ABCG2: variants seen among roughly 807,000 people sequenced by gnomAD.
ABCG2 encodes the protein ATP binding cassette subfamily G member 2 (JR blood group).
ABCG2 carries 80 observed loss-of-function variants against 73.5 expected under a neutral mutation model. The ratio of observed to expected loss-of-function variants is 1.09; its 90% CI spans 0.91 to 1.31. The LOEUF is 1.31. ABCG2 is among the 50% of genes most tolerant of loss of function. The probability of loss-of-function intolerance (pLI) is 0.00; values close to 1 mark genes in which losing one functional copy is unlikely to be tolerated. For synonymous variants in ABCG2, 269 were observed against 282.4 expected (o/e 0.95, Z 0.48); for missense variants, 796 against 786.2 (o/e 1.01, Z -0.15).
chr4:88,147,879 C>T (rs113166336), intron 1 of ABCG2, among the ~76,000 whole-genome samples: 16 of 152,280 alleles, frequency 1.1e-4, no homozygotes, highest in African/African-American at 2.9e-4. Flanking sequence ...TATCTAAGAA[C>T]GCAGTATGAT....
chr4:88,109,167 T>A (rs1722958979), intron 9 of ABCG2, among the ~76,000 whole-genome samples: 1 of 151,782 alleles, frequency 6.6e-6, no homozygotes, highest in African/African-American at 2.4e-5. Flanking sequence ...CCCAGCTAAT[T>A]TTTTGTACTT....
At chr4:88,163,192 A>G (rs1727382109), upstream of ABCG2, among the ~76,000 whole-genome samples, 1 of 152,218 alleles carries the variant, frequency 6.6e-6, no homozygotes, top group Non-Finnish European at 1.5e-5. Flanking sequence ...GTATTCCCCC[A>G]CAGCCCAGCT....
chr4:88,194,996 T>C (rs1578269682), intron 1 of ABCG2, among the ~76,000 whole-genome samples: 1 of 152,326 alleles, frequency 6.6e-6, no homozygotes, highest in South Asian at 2.1e-4. Flanking sequence ...GAGAATAGAC[T>C]TATGCCAATG....
intron 1 of ABCG2, among the ~76,000 whole-genome samples, chr4:88,180,659 G>A (rs1370486631): frequency 6.6e-6 from 1 of 152,140 alleles, no homozygotes; most frequent in African/African-American, 2.4e-5. Flanking sequence ...GGCTGAGGTG[G>A]GGGGGCTCAC....
At chr4:88,200,223 G>A (rs1729103949) in intron 1 of ABCG2, among the ~76,000 whole-genome samples, 1 of 152,004 alleles carries the variant, frequency 6.6e-6, no homozygotes, top group African/African-American at 2.4e-5. Context: ...AGCTACTTGG[G>A]GGGCTGAGAT....
chr4:88,122,169 C>T (rs898969872), intron 5 of ABCG2, among the ~76,000 whole-genome samples: 9 of 152,130 alleles, frequency 5.9e-5, no homozygotes, highest in African/African-American at 2.2e-4. Context: ...TCACAACCCG[C>T]AGACCAGGAG....
intron 1 of ABCG2, among the ~76,000 whole-genome samples, chr4:88,207,658 C>T (rs1182854177): frequency 6.6e-6 from 1 of 152,144 alleles, no homozygotes; most frequent in Non-Finnish European, 1.5e-5. Flanking sequence ...AGTCCTCCTG[C>T]CTCAGCCTCT....
At chr4:88,222,136 A>C (rs1730033050) in intron 1 of ABCG2, among the ~76,000 whole-genome samples, 1 of 152,234 alleles carries the variant, frequency 6.6e-6, no homozygotes. Context: ...CCATTGCCTC[A>C]GTGGGTGTAA....
intron 1 of ABCG2, among the ~76,000 whole-genome samples, chr4:88,191,495 T>C (rs987017521): frequency 3.3e-5 from 5 of 152,112 alleles, no homozygotes; most frequent in African/African-American, 1.2e-4. Context: ...GAAATCTTCA[T>C]ACATTGCTGG....
chr4:88,126,504 T>A (rs2110031620), intron 5 of ABCG2, among the ~76,000 whole-genome samples: 1 of 152,312 alleles, frequency 6.6e-6, no homozygotes, highest in Middle Eastern at 3.4e-3. Context: ...ATATCCCTGA[T>A]CAACATCAAT....
At chr4:88,126,867 A>G (rs1379025522) in intron 5 of ABCG2, among the ~76,000 whole-genome samples, 2 of 152,226 alleles carry the variant, frequency 1.3e-5, no homozygotes, top group Non-Finnish European at 2.9e-5. Flanking sequence ...AAACCGGCAC[A>G]AGACAAGGAC....
chr4:88,118,244 G>A lies in ABCG2; in HGVS notation c.706C>T (p.Arg236Ter), dbSNP rs140207606. ...LLLKRMSKQGRTIIFSIHQPR... is the reference protein window; with the variant it reads ...LLLKRMSKQG The stretch of plus-strand genomic sequence containing the variant: ...TGATGAATGGAGAAGATGATTGTTC[G>A]TCCCTGCTTAGACATCCTAAGTTAA... The change falls in exon 7 of 16, where the codon CGA becomes TGA. Residue 236 changes from arginine to a stop codon, truncating the protein, a stop_gained. Coordinates refer to ENST00000237612, the MANE Select transcript of ABCG2 (RefSeq NM_004827.3). LOFTEE classifies it high-confidence loss of function. 409 of 1,614,006 alleles carry A rather than the reference G, an allele frequency of 2.5e-4. No individual in the cohort carries two copies. Among genetic ancestry groups the A allele is most frequent in the East Asian group, 3.1e-4 (14 of 44,878 alleles).
At position 88,134,845 on chromosome 4, in the gene ABCG2, C is replaced by G. The variant is rs368794480; in HGVS notation, c.204-2210G>C. On this transcript the variant is annotated intron_variant, in intron 2 of 15. Transcript: ENST00000237612. ...AACTCCATCCACTCAACACAATGAT[C>G]AAGTATTTACTGTGTACATACAAGA... 4.2e-4 allele frequency among the ~76,000 whole-genome samples: 64 copies of G among 152,258 alleles called. 2 individuals carry two copies. In the South Asian group the frequency reaches 0.012, roughly 29 times the overall value.
Position 88,118,192 on chromosome 4 carries a change from A to G in ABCG2, c.758T>C (p.Phe253Ser), listed in dbSNP as rs764868944. The G allele has an allele frequency of 1.2e-6, 2 of 1,614,204 alleles. No individual in the cohort carries two copies. Among genetic ancestry groups the G allele is most frequent in the Middle Eastern group, 1.6e-4 (1 of 6,062 alleles). Residue 253 changes from phenylalanine (F) to serine (S), a missense_variant, in exon 7 of 16, where the codon TTT becomes TCT. Coordinates refer to ENST00000237612, the MANE Select transcript of ABCG2 (RefSeq NM_004827.3). ...HQPRYSIFKL[F>S]DSLTLLASGR... The stretch of plus-strand genomic sequence containing the variant: ...TGAGGCCAATAAGGTGAGGCTATCA[A>G]ACAACTTGAAGATGGAATATCGAGG...
chr4:88,209,849 A>G (rs1490090548), intron 1 of ABCG2, among the ~76,000 whole-genome samples: 2 of 152,208 alleles, frequency 1.3e-5, no homozygotes, highest in Non-Finnish European at 2.9e-5. Flanking sequence ...TAGTAGCAAT[A>G]TACTGTGCTT....
Position 88,107,259 on chromosome 4 carries a change from A to G in ABCG2, c.1202T>C (p.Val401Ala). The change falls in exon 10 of 16, where the codon GTC becomes GCC. Residue 401 changes from valine to alanine, a missense_variant. By Grantham distance (64) the Val-to-Ala change is moderately conservative. Coordinates refer to ENST00000237612, the MANE Select transcript of ABCG2 (RefSeq NM_004827.3). ...NPQASIAQII[V>A]TVVLGLVIGA... is the part of the protein sequence containing the mutation. ...TATAACCAGTCCCAGTACGACTGTG[A>G]CAATGATCTTTTCAAAAAGAAAAAT... is the stretch of plus-strand genomic sequence containing the variant. 1 of 1,598,158 alleles carries G rather than the reference A, an allele frequency of 6.3e-7. No individual in the cohort carries two copies. Among genetic ancestry groups the G allele is most frequent in the Non-Finnish European group, 8.5e-7 (1 of 1,175,900 alleles).
intron 5 of ABCG2, among the ~76,000 whole-genome samples, chr4:88,124,085 AT>A (rs1578201280): frequency 1.3e-5 from 2 of 152,350 alleles, no homozygotes; most frequent in East Asian, 3.9e-4. Context: ...TGAAGGAGAA[AT>A]AAATTCCTTT....
intron 1 of ABCG2, among the ~76,000 whole-genome samples, chr4:88,167,983 C>T (rs1239131227): frequency 1.4e-5 from 2 of 148,070 alleles, no homozygotes; most frequent in Middle Eastern, 3.2e-3. Context: ...CTTGGAGAGA[C>T]GAGAAATGTC....
intron 1 of ABCG2, among the ~76,000 whole-genome samples, chr4:88,149,260 G>A (rs1726276678): frequency 6.6e-6 from 1 of 152,100 alleles, no homozygotes; most frequent in Non-Finnish European, 1.5e-5. Context: ...TGTCCAAATT[G>A]GTTTTAATCT....
Sources: allele counts gnomAD v4.1 joint callset (sites outside exome capture counted in the v4.1 genomes callset), GRCh38; gene constraint gnomAD v4.1.1; transcripts MANE v1.5; gene names NCBI Gene and HGNC (gene_info 2026-07-23, HGNC 2026-07-21).